The following GRAMD1B variants were observed in gnomAD, a reference collection of about 807,000 sequenced individuals.
GRAMD1B encodes protein Aster-B.
GRAMD1B carries 37 observed loss-of-function variants against 99.7 expected under a neutral mutation model. That is an observed-to-expected ratio of 0.37 (90% CI 0.29 to 0.49). The LOEUF is 0.49. Among genes scored for constraint, GRAMD1B ranks in the 20% least tolerant of loss-of-function variants. GRAMD1B has a pLI of 0.98. For missense variants in GRAMD1B, 888 were observed against 1,009.2 expected (o/e 0.88, Z 1.63); for synonymous variants, 427 against 387.6 (o/e 1.10, Z -1.19).
chr11:123,438,712 C>G (rs1003932745), intron 1 of GRAMD1B, among the ~76,000 whole-genome samples: 1 of 152,120 alleles, frequency 6.6e-6, no homozygotes, highest in Admixed American at 6.5e-5. Flanking sequence ...AGGTAAGGGG[C>G]TGGTATGAAC....
chr11:123,401,188 A>T (rs1328279834), intron 1 of GRAMD1B, among the ~76,000 whole-genome samples: 2 of 152,228 alleles, frequency 1.3e-5, no homozygotes, highest in Non-Finnish European at 2.9e-5. Flanking sequence ...AAATTGTTTC[A>T]ACAGTAACGT....
intron 2 of GRAMD1B, among the ~76,000 whole-genome samples, chr11:123,521,056 C>T (rs1262667335): frequency 6.6e-5 from 10 of 152,116 alleles, no homozygotes; most frequent in South Asian, 4.1e-4. Context: ...TAAAGTCTTT[C>T]GTGCATGCCT....
At chr11:123,526,439 C>T (rs1054626363) in intron 2 of GRAMD1B, among the ~76,000 whole-genome samples, 2 of 152,208 alleles carry the variant, frequency 1.3e-5, no homozygotes, top group East Asian at 1.9e-4. Context: ...GCAGCTAAAA[C>T]GTTCTCCAAC....
intron 2 of GRAMD1B, among the ~76,000 whole-genome samples, chr11:123,486,250 G>T (rs1308976102): frequency 1.3e-5 from 2 of 152,094 alleles, no homozygotes; most frequent in Non-Finnish European, 2.9e-5. Context: ...TTCTGTTCTT[G>T]ACAAAGCAGA....
intron 2 of GRAMD1B, among the ~76,000 whole-genome samples, chr11:123,509,232 G>T (rs150586197): frequency 3.9e-4 from 60 of 152,240 alleles, no homozygotes; most frequent in Admixed American, 6.5e-4. Context: ...TTCCTCATCT[G>T]CAAAATGGGA....
intron 2 of GRAMD1B, among the ~76,000 whole-genome samples, chr11:123,532,411 C>T (rs533675153): frequency 3.9e-5 from 6 of 152,230 alleles, no homozygotes; most frequent in Non-Finnish European, 8.8e-5. Context: ...TGCAGGAAAG[C>T]TGGAAGATGT....
Position 123,578,552 on chromosome 11 carries a change from C to A in GRAMD1B, c.663+975C>A, listed in dbSNP as rs543361520. 63 of 729,394 alleles carry A rather than the reference C, an allele frequency of 8.6e-5. No individual in the cohort carries two copies. The South Asian group carries it at 9.7e-4, about 11-fold the overall frequency. The allele number at this position is 729,394 out of a possible 1,614,324, so 45.2% of individuals were successfully genotyped here. On this transcript the variant is annotated intron_variant, in intron 3 of 19. Coordinates refer to ENST00000635736, the MANE Select transcript of GRAMD1B (RefSeq NM_001387025.1). Reference sequence around the variant, plus strand: ...CCCTTATATCCTGCTTGGTCCCTTTCCCAGAAGGGCCGGCCCCACTGTCCC... The same window carrying A: ...CCCTTATATCCTGCTTGGTCCCTTTACCAGAAGGGCCGGCCCCACTGTCCC...
chr11:123,619,031 T>G, intron 18 of GRAMD1B, 76 bp from the exon 19 acceptor site: 2 of 807,928 alleles, frequency 2.5e-6, no homozygotes, highest in South Asian at 1.6e-5. Flanking sequence ...TCTCTGTCCT[T>G]TAGGGGTCTG....
intron 8 of GRAMD1B, among the ~76,000 whole-genome samples, chr11:123,602,620 A>G (rs980280352): frequency 5.3e-5 from 8 of 151,658 alleles, no homozygotes; most frequent in Admixed American, 6.6e-5. Context: ...CCAGTCTGAG[A>G]CTCATTCATG....
At chr11:123,489,873 G>A (rs2846314) in intron 2 of GRAMD1B, among the ~76,000 whole-genome samples, 64,984 of 152,094 alleles carry the variant, frequency 0.43, 15,912 homozygotes, top group African/African-American at 0.67. Context: ...TCATTCAACA[G>A]ACTGATCAAT....
intron 1 of GRAMD1B, among the ~76,000 whole-genome samples, chr11:123,399,714 A>G (rs915120533): frequency 6.6e-6 from 1 of 152,060 alleles, no homozygotes; most frequent in Non-Finnish European, 1.5e-5. Flanking sequence ...AGTTCAAGCA[A>G]TTCTCCTGCC....
In GRAMD1B at chr11:123,605,456, G is replaced by A. The variant is rs1592240842; in HGVS notation, c.1301G>A (p.Gly434Glu). ...ACCAACAGCACACTAACATCCACAG[G>A]GAGCAGTGAGGCCCCCGTCTCGGTA... is the stretch of plus-strand genomic sequence containing the variant. ...SITNSTLTST[G>E]SSEAPVSFDG... Residue 434 changes from glycine (G) to glutamate (E), a missense_variant, in exon 10 of 20, where the codon GGG becomes GAG. Around this residue, in one of 5 missense-constraint regions of GRAMD1B, gnomAD observed 269 missense variants for 296.6 expected, o/e 0.91. Transcript: ENST00000635736. 6.2e-7 allele frequency: 1 copy of A among 1,611,510 alleles called. No individual in the cohort carries two copies. Among genetic ancestry groups the A allele is most frequent in the Non-Finnish European group, 8.5e-7 (1 of 1,178,562 alleles).
intron 2 of GRAMD1B, among the ~76,000 whole-genome samples, chr11:123,494,265 A>G (rs532718007): frequency 1.3e-5 from 2 of 152,152 alleles, no homozygotes; most frequent in Non-Finnish European, 2.9e-5. Flanking sequence ...GAGGGCAAAG[A>G]CTGACCTTTA....
intron 1 of GRAMD1B, among the ~76,000 whole-genome samples, chr11:123,447,565 T>A (rs1156390845): frequency 6.6e-6 from 1 of 152,166 alleles, no homozygotes; most frequent in African/African-American, 2.4e-5. Flanking sequence ...TGAGGCAGCA[T>A]GGGTTGGAGG....
At chr11:123,385,867 G>T (rs1042219832) in intron 1 of GRAMD1B, among the ~76,000 whole-genome samples, 1 of 152,156 alleles carries the variant, frequency 6.6e-6, no homozygotes, top group South Asian at 2.1e-4. Flanking sequence ...GTGAGTCTGT[G>T]TGTGTGTGTA....
intron 1 of GRAMD1B, among the ~76,000 whole-genome samples, chr11:123,447,238 TCAGA>T (rs1013302412): frequency 2.0e-5 from 3 of 152,188 alleles, no homozygotes; most frequent in Non-Finnish European, 4.4e-5. Context: ...CCTGTTTCTG[TCAGA>T]CAGACGGGTC....
intron 1 of GRAMD1B, among the ~76,000 whole-genome samples, chr11:123,363,584 G>GT (rs898353237): frequency 1.6e-4 from 24 of 147,948 alleles, no homozygotes; most frequent in Middle Eastern, 3.4e-3. Context: ...TTTTTTGTTT[G>GT]TTTTTTTTTG....
chr11:123,584,142 C>T (rs1437208690), intron 3 of GRAMD1B, among the ~76,000 whole-genome samples, 170 bp from the exon 4 acceptor site: 1 of 151,814 alleles, frequency 6.6e-6, no homozygotes, highest in African/African-American at 2.4e-5. Flanking sequence ...CTTTCTGGAA[C>T]TGCCTTGAGA....
At chr11:123,469,863 A>G (rs1219804448) in intron 1 of GRAMD1B, among the ~76,000 whole-genome samples, 3 of 151,160 alleles carry the variant, frequency 2.0e-5, no homozygotes, top group South Asian at 2.1e-4. Flanking sequence ...AAACATTATT[A>G]ACAGTTGTTG....
Sources: gnomAD v4.1 joint callset for allele counts (sites outside exome capture counted in the v4.1 genomes callset) on GRCh38, gnomAD v4.1.1 for gene constraint, gnomAD v4.1.1 regional missense constraint, MANE v1.5 for transcripts, NCBI Gene and HGNC (gene_info 2026-07-23, HGNC 2026-07-21) for gene names.